SPAG17: variants seen among roughly 807,000 people sequenced by gnomAD.
The protein encoded by SPAG17 is sperm associated antigen 17, also known as sperm-associated antigen 17.
Under a neutral mutation model 273.6 loss-of-function variants are expected in SPAG17, and 169 were observed. The ratio of observed to expected loss-of-function variants is 0.62; its 90% confidence interval spans 0.55 to 0.70. The LOEUF is 0.70. Among genes scored for constraint, SPAG17 ranks in the 30% least tolerant of loss-of-function variants. The pLI, the probability that SPAG17 is intolerant of heterozygous loss-of-function variation, is 0.00. For missense variants in SPAG17, 2,557 were observed against 2,627.8 expected, an observed-to-expected ratio of 0.97 and a Z score of 0.59; for synonymous variants, 825 against 873.2, an observed-to-expected ratio of 0.94 and a Z score of 0.97.
chr1:118,010,920 G>A (rs1042337442), intron 30 of SPAG17, among the ~76,000 whole-genome samples: 3 of 151,986 alleles, frequency 2.0e-5, no homozygotes, highest in African/African-American at 7.2e-5. Context: ...CAAAAAACAT[G>A]AACAGTTTTC....
At chr1:118,151,670 A>G (rs1444644578) in intron 1 of SPAG17, among the ~76,000 whole-genome samples, 1 of 152,260 alleles carries the variant, frequency 6.6e-6, no homozygotes, top group Non-Finnish European at 1.5e-5. Flanking sequence ...CTGGTGTTGG[A>G]AAGCAATCAT....
In SPAG17 at chr1:118,086,677, T is replaced by G. The variant is rs1418283181; in HGVS notation, c.1605A>C (p.Ala535=). ...CTAACCTGATTATTATTACCTGTAG[T>G]GCGTACTTCTTGTGGGCGTGTGCAT... is the stretch of plus-strand genomic sequence containing the variant. ...YHDAHAHKKY[A]LQDQKNFDPV... Residue 535 remains alanine (A), a synonymous_variant, in exon 12 of 49, where the codon GCA becomes GCC. Transcript: ENST00000336338. 3 of 1,614,030 alleles carry G rather than the reference T, an allele frequency of 1.9e-6. No homozygotes were observed. Among genetic ancestry groups the G allele is most frequent in the Admixed American group, 1.7e-5 (1 of 60,032 alleles).
At position 118,099,640 on chromosome 1, in the gene SPAG17, A is replaced by G. The variant is rs773462766; in HGVS notation, c.795T>C (p.Val265=). 6.2e-7 allele frequency: 1 copy of G among 1,614,114 alleles called. No homozygotes were observed. Among genetic ancestry groups the G allele is most frequent in the East Asian group, 2.2e-5 (1 of 44,884 alleles). Residue 265 remains valine (V), a synonymous_variant, in exon 6 of 49, where the codon GTT becomes GTC. Coordinates refer to ENST00000336338, the MANE Select transcript of SPAG17 (RefSeq NM_206996.4). ...YEPLQTHLAA[V]NQQQEVLLQS... ...GAAGAAGAACTTCCTGCTGCTGGTT[A>G]ACTGCTGCCAGGTGTGTCTGCAGAG...
At chr1:118,150,747 G>T in intron 2 of SPAG17, 118 bp from the exon 3 acceptor site, 1 of 570,220 alleles carries the variant, frequency 1.8e-6, no homozygotes, top group South Asian at 2.7e-5. Flanking sequence ...GCAAGAAAGA[G>T]GTACCCATGA....
At position 117,959,197 on chromosome 1, in the gene SPAG17, AAC is replaced by A. The variant is rs1216552354; in HGVS notation, c.*4600_*4601del. The A allele has an allele frequency of 3.4e-6, 5 of 1,463,084 alleles. No individual in the cohort carries two copies. The African/African-American group carries it at 4.3e-5, about 12-fold the overall frequency. 90.6% of individuals were successfully genotyped at this position (1,463,084 alleles called of 1,614,324 possible). A position where few individuals can be genotyped will look rare whatever the true frequency, so the allele number is the denominator to read the frequency against. ...TCTTAATGAGGGAAAGATAAGTAAC[AAC>A]ACCTGAAGCTTTGGTTACCCTAACT... On this transcript the variant is annotated intron_variant, in intron 48 of 48. Transcript: ENST00000336338.
At chr1:118,102,661 C>T (rs149480622) in intron 4 of SPAG17, among the ~76,000 whole-genome samples, 61 of 152,294 alleles carry the variant, frequency 4.0e-4, no homozygotes, top group Non-Finnish European at 1.3e-4. Flanking sequence ...TTAATTCCGC[C>T]CCAACACCCC....
At chr1:118,044,425 C>T (rs1650115122) in intron 20 of SPAG17, among the ~76,000 whole-genome samples, 1 of 151,546 alleles carries the variant, frequency 6.6e-6, no homozygotes, top group African/African-American at 2.4e-5. Context: ...ACAGAGGTTG[C>T]AGTGAGCCGA....
intron 4 of SPAG17, among the ~76,000 whole-genome samples, chr1:118,112,077 A>G (rs756180954): frequency 2.6e-5 from 4 of 152,150 alleles, no homozygotes; most frequent in African/African-American, 4.8e-5. Flanking sequence ...TTGGCCAATT[A>G]TTTAAATAGT....
At chr1:118,183,909 A>G (rs1325350796) in intron 1 of SPAG17, among the ~76,000 whole-genome samples, 2 of 152,228 alleles carry the variant, frequency 1.3e-5, no homozygotes, top group Non-Finnish European at 2.9e-5. Context: ...AACATCTTTG[A>G]GAATTTGAGA....
intron 48 of SPAG17, chr1:117,954,723 A>AT: frequency 4.0e-6 from 5 of 1,245,702 alleles, no homozygotes; most frequent in Non-Finnish European, 5.7e-6. Context: ...GGGATGGATT[A>AT]TTGGGAATAC....
intron 19 of SPAG17, 25 bp downstream of exon 19, chr1:118,055,708 C>T (rs150625557): frequency 1.2e-4 from 186 of 1,526,582 alleles, no homozygotes; most frequent in East Asian, 8.6e-4. Flanking sequence ...TTTTATTCTA[C>T]GTATAAGTTG....
chr1:118,150,624 A>T lies in SPAG17; in HGVS notation c.234T>A (p.Asn78Lys), dbSNP rs773194714. The change falls in exon 3 of 49, where the codon AAT becomes AAA. Residue 78 changes from asparagine (N) to lysine (K), a missense_variant. Transcript: ENST00000336338. ...VSWQDILQQI[N>K]EINTLVGSAS... ...CAGATCCAACAAGTGTATTTATTTC[A>T]TTAATCTGTAAGAAAATTAAATTTA... The T allele has an allele frequency of 6.6e-7, 1 of 1,508,116 alleles. No individual in the cohort carries two copies. The highest frequency in any genetic ancestry group is 9.1e-7 in the Non-Finnish European group (1 of 1,099,254). 93.4% of individuals were successfully genotyped at this position (1,508,116 alleles called of 1,614,324 possible).
At chr1:118,146,669 T>C (rs1471254111) in intron 3 of SPAG17, among the ~76,000 whole-genome samples, 1 of 152,194 alleles carries the variant, frequency 6.6e-6, no homozygotes, top group Non-Finnish European at 1.5e-5. Context: ...AAAGTCAAGA[T>C]CTACCTATCC....
chr1:118,055,744 T>C lies in SPAG17; in HGVS notation c.2711A>G (p.Lys904Arg), dbSNP rs775721106. 1.9e-6 allele frequency: 3 copies of C among 1,611,890 alleles called. No individual in the cohort carries two copies. The highest frequency in any genetic ancestry group is 2.5e-6 in the Non-Finnish European group (3 of 1,179,204). The change falls in exon 19 of 49, where the codon AAA (lysine) becomes AGA (arginine). Residue 904 changes from lysine (K) to arginine (R), a missense_variant. Lys to Arg is a conservative substitution (Grantham distance 26). Transcript: ENST00000336338. Reference protein sequence around the residue: ...LTSASKIFSIKESKSNKGISK... With the variant: ...LTSASKIFSIRESKSNKGISK... Reference sequence around the variant, plus strand: ...AACTGGTTACTTACTTTTAGATTCTTTAATGGAAAAAATTTTGCTAGCAGA... The same window carrying C: ...AACTGGTTACTTACTTTTAGATTCTCTAATGGAAAAAATTTTGCTAGCAGA...
At chr1:118,093,101 A>G in intron 8 of SPAG17, 55 bp downstream of exon 8, 1 of 1,542,470 alleles carries the variant, frequency 6.5e-7, no homozygotes, top group Non-Finnish European at 8.8e-7. Flanking sequence ...AAATATGAAA[A>G]TAAAGTTGTT....
intron 1 of SPAG17, among the ~76,000 whole-genome samples, chr1:118,164,236 T>G (rs6672871): frequency 6.6e-6 from 1 of 152,234 alleles, no homozygotes; most frequent in Non-Finnish European, 1.5e-5. Context: ...ATAGTCCGTA[T>G]TTTTGACTTC....
chr1:118,146,519 T>C (rs750129224), intron 3 of SPAG17, among the ~76,000 whole-genome samples: 13 of 152,218 alleles, frequency 8.5e-5, no homozygotes, highest in South Asian at 4.1e-4. Context: ...CATCAAAATA[T>C]GTACGGAATT....
At chr1:117,954,667 A>G in intron 48 of SPAG17, 1 of 1,592,340 alleles carries the variant, frequency 6.3e-7, no homozygotes, top group Non-Finnish European at 8.6e-7. Flanking sequence ...GTTTATTAAA[A>G]GGTTACTTAC....
At chr1:118,119,493 A>G (rs1411793054) in intron 3 of SPAG17, among the ~76,000 whole-genome samples, 3 of 152,254 alleles carry the variant, frequency 2.0e-5, no homozygotes, top group African/African-American at 7.2e-5. Flanking sequence ...GTTTCCGACT[A>G]AAAGAATCCT....
Sources: allele counts gnomAD v4.1 joint callset (sites outside exome capture counted in the v4.1 genomes callset), GRCh38; gene constraint gnomAD v4.1.1; transcripts MANE v1.5; gene names NCBI Gene and HGNC (gene_info 2026-07-23, HGNC 2026-07-21).